The following MICOS10 variants were observed in gnomAD, a reference collection of about 807,000 sequenced individuals.
MICOS10 encodes the protein mitochondrial contact site and cristae organizing system subunit 10, also known as MICOS complex subunit MIC10.
Under a neutral mutation model 13.4 loss-of-function variants are expected in MICOS10, and 5 were observed. That is an observed-to-expected ratio of 0.37 (90% CI 0.20 to 0.78). MICOS10 has a LOEUF of 0.78. MICOS10 is among the 30% of genes least tolerant of loss of function. MICOS10 has a pLI of 0.47. For missense variants in MICOS10, 101 were observed against 94.6 expected (o/e 1.07, Z -0.28); for synonymous variants, 35 against 33.6 (o/e 1.04, Z -0.15).
In MICOS10 at chr1:19,597,004, G is replaced by A. The variant is rs772723869; in HGVS notation, c.-42G>A. ...GCGAGACTTTCAGGGGTCGGAGCGC[G>A]GGGGCCGGCCGAGAGGAAAGCTGGA... On this transcript the variant is annotated 5_prime_UTR_variant, in exon 1 of 4. Coordinates refer to ENST00000322753, the MANE Select transcript of MICOS10 (RefSeq NM_001032363.4). 1.9e-6 allele frequency: 3 copies of A among 1,562,604 alleles called. No homozygotes were observed. The highest frequency in any genetic ancestry group is 2.0e-5 in the Admixed American group (1 of 50,088).
At position 19,627,264 on chromosome 1, in the gene MICOS10, T is replaced by A. The variant is rs1570517588; in HGVS notation, c.*863T>A. ...ATATTTTAGCAATTTCTTCAGACGA[T>A]ATACAGAACCCCAGCGCTCAGCCGT... is the stretch of plus-strand genomic sequence containing the variant. On this transcript the variant is annotated 3_prime_UTR_variant, in exon 4 of 4. Coordinates refer to ENST00000322753, the MANE Select transcript of MICOS10 (RefSeq NM_001032363.4). 1.3e-5 allele frequency: 2 copies of A among 152,262 alleles called. 1 individual carries two copies. The highest frequency in any genetic ancestry group is 4.1e-4 in the South Asian group (2 of 4,836). 9.4% of individuals were successfully genotyped at this position (152,262 alleles called of 1,614,324 possible). A position where few individuals can be genotyped will look rare whatever the true frequency, so the allele number is the denominator to read the frequency against.
intron 1 of MICOS10, among the ~76,000 whole-genome samples, chr1:19,605,726 A>G (rs2094832102): frequency 6.6e-6 from 1 of 152,066 alleles, no homozygotes; most frequent in Admixed American, 6.6e-5. Context: ...AAGTGTACAC[A>G]TTTTTGTTTT....
At position 19,629,224 on chromosome 1, in the gene MICOS10, A is replaced by G. The variant is rs1195390190; in HGVS notation, c.*2823A>G. ...CCCTGTTCCCTTGTGGGCTTGTGCA[A>G]CTGACTTTGTTTCTTGTCTGCCTTT... On this transcript the variant is annotated 3_prime_UTR_variant, in exon 4 of 4. Transcript: ENST00000322753. The G allele has an allele frequency of 6.6e-6, 1 of 152,228 alleles. No individual in the cohort carries two copies. The highest frequency in any genetic ancestry group is 1.5e-5 in the Non-Finnish European group (1 of 68,060). 9.4% of individuals were successfully genotyped at this position (152,228 alleles called of 1,614,324 possible).
chr1:19,623,007 C>T (rs779635786), intron 2 of MICOS10, among the ~76,000 whole-genome samples: 6 of 150,810 alleles, frequency 4.0e-5, no homozygotes, highest in Admixed American at 6.6e-5. Flanking sequence ...CTGCAACCTC[C>T]GCCTCCCTGG....
intron 3 of MICOS10, 113 bp downstream of exon 3, chr1:19,623,696 C>T: frequency 1.4e-6 from 1 of 713,824 alleles, no homozygotes; most frequent in Non-Finnish European, 2.4e-6. Context: ...CATTGTGGCA[C>T]CACTCTCAGA....
chr1:19,614,846 CCT>C (rs1344304298), intron 1 of MICOS10, among the ~76,000 whole-genome samples: 1 of 152,194 alleles, frequency 6.6e-6, no homozygotes. Context: ...TTTGTAGCCT[CCT>C]CTCCTGCTGT....
rs2094926652 is a variant in MICOS10 at position 19,627,783 on chromosome 1, C to G, written c.*1382C>G. ...CTGGGCAATAGGGTACAACTCATGT[C>G]TGACTCCAGTTCTGGAACATTGATT... is the stretch of plus-strand genomic sequence containing the variant. On this transcript the variant is annotated 3_prime_UTR_variant, in exon 4 of 4. Transcript: ENST00000322753. 1 of 152,288 alleles carries G rather than the reference C, an allele frequency of 6.6e-6. No homozygotes were observed. The highest frequency in any genetic ancestry group is 2.4e-5 in the African/African-American group (1 of 41,456). The allele number at this position is 152,288 out of a possible 1,614,324, so 9.4% of individuals were successfully genotyped here.
chr1:19,622,295 T>G, intron 2 of MICOS10, 148 bp downstream of exon 2: 2 of 556,966 alleles, frequency 3.6e-6, no homozygotes, highest in Non-Finnish European at 6.2e-6. Context: ...ATAAAATGAA[T>G]TAGATAAAGA....
intron 1 of MICOS10, among the ~76,000 whole-genome samples, chr1:19,612,031 T>G (rs2094864680): frequency 6.6e-6 from 1 of 151,470 alleles, no homozygotes; most frequent in Non-Finnish European, 1.5e-5. Flanking sequence ...ATTCTTAGGT[T>G]TTTTAATTTT....
intron 2 of MICOS10, among the ~76,000 whole-genome samples, chr1:19,623,164 G>A (rs939584841): frequency 3.9e-5 from 6 of 151,960 alleles, no homozygotes; most frequent in Non-Finnish European, 7.4e-5. Flanking sequence ...CTCGTGATCC[G>A]CCCGCCTACG....
At chr1:19,622,181 A>G (rs200168462) in intron 2 of MICOS10, 34 bp downstream of exon 2, 1 of 1,557,386 alleles carries the variant, frequency 6.4e-7, no homozygotes, top group Non-Finnish European at 8.8e-7. Flanking sequence ...ACATAATGTC[A>G]TAGTGTATAC....
At chr1:19,610,115 C>T (rs2094853717) in intron 1 of MICOS10, among the ~76,000 whole-genome samples, 1 of 152,104 alleles carries the variant, frequency 6.6e-6, no homozygotes, top group Non-Finnish European at 1.5e-5. Flanking sequence ...GCACTCCAGC[C>T]TGGGGACAGA....
intron 1 of MICOS10, among the ~76,000 whole-genome samples, chr1:19,611,843 G>T (rs1558342384): frequency 6.6e-6 from 1 of 150,746 alleles, no homozygotes; most frequent in Non-Finnish European, 1.5e-5. Context: ...GTGGTGGCAT[G>T]CGCCTGTAGT....
intron 1 of MICOS10, among the ~76,000 whole-genome samples, chr1:19,602,877 T>G (rs150752165): frequency 6.6e-6 from 1 of 152,332 alleles, no homozygotes; most frequent in East Asian, 1.9e-4. Context: ...ACAGAGCCGA[T>G]GTCCTCAGCT....
chr1:19,602,804 T>C (rs1288670054), intron 1 of MICOS10, among the ~76,000 whole-genome samples: 3 of 152,184 alleles, frequency 2.0e-5, no homozygotes, highest in African/African-American at 7.2e-5. Flanking sequence ...ACATTTCTTA[T>C]TAGTGAGGCT....
intron 1 of MICOS10, among the ~76,000 whole-genome samples, chr1:19,621,242 C>T (rs1321316347): frequency 1.3e-5 from 2 of 152,184 alleles, no homozygotes; most frequent in Admixed American, 1.3e-4. Context: ...AGGTCAACTT[C>T]TTGTGTCTGT....
chr1:19,622,578 G>A (rs1040552036), intron 2 of MICOS10, among the ~76,000 whole-genome samples: 1 of 152,188 alleles, frequency 6.6e-6, no homozygotes. Context: ...GCAAAGGGCA[G>A]GCAATATTCT....
chr1:19,606,738 G>A (rs918760614), intron 1 of MICOS10, among the ~76,000 whole-genome samples: 1 of 148,770 alleles, frequency 6.7e-6, no homozygotes, highest in African/African-American at 2.6e-5. Flanking sequence ...AGAACAAGAA[G>A]GCTCTGTCTC....
rs1306757971 is a variant in MICOS10 at position 19,628,772 on chromosome 1, C to T, written c.*2371C>T. ...AGGCAGAGAGAAGAATAACATGCCC[C>T]CTTCCAAAAAAGACAAAACACAAGG... On this transcript the variant is annotated 3_prime_UTR_variant, in exon 4 of 4. Coordinates refer to ENST00000322753, the MANE Select transcript of MICOS10 (RefSeq NM_001032363.4). 1.3e-5 allele frequency: 2 copies of T among 152,124 alleles called. No individual in the cohort carries two copies. The highest frequency in any genetic ancestry group is 2.9e-5 in the Non-Finnish European group (2 of 68,010). The allele number at this position is 152,124 out of a possible 1,614,324, so 9.4% of individuals were successfully genotyped here. A position where few individuals can be genotyped will look rare whatever the true frequency, so the allele number is the denominator to read the frequency against.
Sources: gnomAD v4.1 joint callset for allele counts (sites outside exome capture counted in the v4.1 genomes callset) on GRCh38, gnomAD v4.1.1 for gene constraint, MANE v1.5 for transcripts, NCBI Gene and HGNC (gene_info 2026-07-23, HGNC 2026-07-21) for gene names.